RUNX1: variants seen among roughly 807,000 people sequenced by gnomAD.
RUNX1 encodes the protein RUNX family transcription factor 1, also known as runt-related transcription factor 1.
A neutral mutation model predicts 42.8 loss-of-function variants in RUNX1; 19 were observed. That is an observed-to-expected ratio of 0.44 (90% confidence interval 0.31 to 0.65). The LOEUF is 0.65. Ranked by LOEUF, RUNX1 falls within the 30% of genes least tolerant of loss-of-function variation. The probability of loss-of-function intolerance (pLI) is 0.07; values close to 1 mark genes in which losing one functional copy is unlikely to be tolerated. For synonymous variants in RUNX1, 271 were observed against 289.4 expected, an observed-to-expected ratio of 0.94 and a Z score of 0.64; for missense variants, 528 against 672.0, an observed-to-expected ratio of 0.79 and a Z score of 2.37.
Position 34,789,659 on chromosome 21 carries a change from AC to A in RUNX1, c.*2475del. On this transcript the variant is annotated 3_prime_UTR_variant, in exon 9 of 9. Coordinates refer to ENST00000675419, the MANE Select transcript of RUNX1 (RefSeq NM_001754.5). ...CGTGAGACCTATCGCCAAAACAACT[AC>A]AGTTTGATTTTTTTTGAAACAATTA... 1 of 233,360 alleles carries A rather than the reference AC, an allele frequency of 4.3e-6. No individual in the cohort carries two copies. Among genetic ancestry groups the A allele is most frequent in the Non-Finnish European group, 8.5e-6 (1 of 118,052 alleles). 14.5% of individuals were successfully genotyped at this position (233,360 alleles called of 1,614,324 possible).
At chr21:34,858,952 ACTCT>A (rs1220199978) in intron 6 of RUNX1, among the ~76,000 whole-genome samples, 1 of 151,804 alleles carries the variant, frequency 6.6e-6, no homozygotes, top group South Asian at 2.1e-4. Flanking sequence ...CTACCCTCCC[ACTCT>A]CTATCTTAAA....
intron 2 of RUNX1, among the ~76,000 whole-genome samples, chr21:34,935,844 T>G (rs1321007134): frequency 6.6e-6 from 1 of 152,194 alleles, no homozygotes; most frequent in African/African-American, 2.4e-5. Context: ...GCATGTCCAC[T>G]AGAGCTATAG....
chr21:34,936,524 G>A (rs2058486833), intron 2 of RUNX1, among the ~76,000 whole-genome samples: 1 of 152,182 alleles, frequency 6.6e-6, no homozygotes, highest in Non-Finnish European at 1.5e-5. Flanking sequence ...CCCCATAGAA[G>A]GCATTTGTGA....
chr21:34,872,914 T>G (rs192028726), intron 5 of RUNX1, among the ~76,000 whole-genome samples: 1 of 152,188 alleles, frequency 6.6e-6, no homozygotes, highest in Non-Finnish European at 1.5e-5. Context: ...AGCAAGATTA[T>G]GATCAAAATT....
chr21:34,885,569 G>A (rs2057971059), intron 4 of RUNX1, among the ~76,000 whole-genome samples: 1 of 152,234 alleles, frequency 6.6e-6, no homozygotes, highest in East Asian at 1.9e-4. Flanking sequence ...TGCAAATTTC[G>A]TTTTGTTTTA....
At chr21:34,923,663 C>T (rs1449269015) in intron 2 of RUNX1, among the ~76,000 whole-genome samples, 1 of 152,160 alleles carries the variant, frequency 6.6e-6, no homozygotes, top group Non-Finnish European at 1.5e-5. Flanking sequence ...TCTTATATTT[C>T]CCATTTCAGT....
At chr21:34,947,433 C>G (rs1376298893) in intron 2 of RUNX1, among the ~76,000 whole-genome samples, 1 of 152,160 alleles carries the variant, frequency 6.6e-6, no homozygotes, top group Admixed American at 6.5e-5. Context: ...CACACGCACA[C>G]TCTTACATGA....
In RUNX1 at chr21:34,840,794, A is replaced by T. The variant is rs954819260; in HGVS notation, c.614-6193T>A. Among the ~76,000 whole-genome samples, 14 of 152,284 alleles carry T rather than the reference A, an allele frequency of 9.2e-5. No individual in the cohort carries two copies. The East Asian group carries it at 2.7e-3, about 29-fold the overall frequency. ...AAGAATTCACTCTCCCTCTGCCTCC[A>T]GCTGTTTCATCAGTGACCCTTTGGA... On this transcript the variant is annotated intron_variant, in intron 6 of 8. Coordinates refer to ENST00000675419, the MANE Select transcript of RUNX1 (RefSeq NM_001754.5).
chr21:34,834,923 G>A (rs1183707777), intron 6 of RUNX1, among the ~76,000 whole-genome samples: 1 of 152,160 alleles, frequency 6.6e-6, no homozygotes, highest in Non-Finnish European at 1.5e-5. Flanking sequence ...TGGTGATGCC[G>A]GGAGGGAAAG....
chr21:34,798,606 A>AT (rs1285706237), intron 8 of RUNX1, among the ~76,000 whole-genome samples: 5 of 152,298 alleles, frequency 3.3e-5, no homozygotes, highest in South Asian at 4.1e-4. Context: ...CAAAAATATT[A>AT]TTAAAAAAAA....
At chr21:35,006,685 A>T (rs1188219675) in intron 2 of RUNX1, among the ~76,000 whole-genome samples, 2 of 152,220 alleles carry the variant, frequency 1.3e-5, no homozygotes, top group Non-Finnish European at 2.9e-5. Flanking sequence ...TATTATCGTT[A>T]TTAATATTTC....
At chr21:34,963,564 T>C (rs1235230812) in intron 2 of RUNX1, among the ~76,000 whole-genome samples, 2 of 152,140 alleles carry the variant, frequency 1.3e-5, no homozygotes, top group African/African-American at 4.8e-5. Context: ...CCAGCAACCA[T>C]GGGAGAAGGA....
chr21:34,866,657 T>C (rs906619071), intron 5 of RUNX1, among the ~76,000 whole-genome samples: 4 of 152,234 alleles, frequency 2.6e-5, no homozygotes, highest in Non-Finnish European at 5.9e-5. Flanking sequence ...TGGAGTTGTA[T>C]AATTAATTTA....
chr21:34,925,852 G>T (rs1284066115), intron 2 of RUNX1, among the ~76,000 whole-genome samples: 1 of 152,152 alleles, frequency 6.6e-6, no homozygotes, highest in African/African-American at 2.4e-5. Flanking sequence ...ATGGGTGCAT[G>T]AAATGGAGAT....
chr21:34,917,464 C>T (rs374334148), intron 2 of RUNX1, among the ~76,000 whole-genome samples: 40 of 152,328 alleles, frequency 2.6e-4, no homozygotes, highest in African/African-American at 9.1e-4. Context: ...TAGCATTCTA[C>T]ATCCTACACC....
chr21:34,926,051 G>T (rs2058390748), intron 2 of RUNX1, among the ~76,000 whole-genome samples: 1 of 151,918 alleles, frequency 6.6e-6, no homozygotes, highest in Non-Finnish European at 1.5e-5. Context: ...GTTAACAGAA[G>T]TTATCTCTAA....
chr21:34,817,775 T>C (rs1283218818), intron 7 of RUNX1, among the ~76,000 whole-genome samples: 3 of 152,306 alleles, frequency 2.0e-5, no homozygotes, highest in East Asian at 1.9e-4. Context: ...GGTCCTGCAA[T>C]AGAAAGTCAT....
At chr21:34,926,162 AAAATAC>A (rs1269256730) in intron 2 of RUNX1, among the ~76,000 whole-genome samples, 1 of 152,104 alleles carries the variant, frequency 6.6e-6, no homozygotes, top group Non-Finnish European at 1.5e-5. Context: ...ATGTATTTTA[AAAATAC>A]AAATGTGCTT....
chr21:34,835,409 G>A (rs1039405424), intron 6 of RUNX1, among the ~76,000 whole-genome samples: 3 of 151,644 alleles, frequency 2.0e-5, no homozygotes, highest in Non-Finnish European at 4.4e-5. Context: ...TGGGATGATG[G>A]GCCCCTCAGT....
Sources: gnomAD v4.1 joint callset for allele counts (sites outside exome capture counted in the v4.1 genomes callset) on GRCh38, gnomAD v4.1.1 for gene constraint, MANE v1.5 for transcripts, NCBI Gene and HGNC (gene_info 2026-07-23, HGNC 2026-07-21) for gene names.